The following SLC35F4 variants were observed in gnomAD, a reference collection of about 807,000 sequenced individuals.
SLC35F4 encodes the protein solute carrier family 35 member F4, also known as chromosome 14 open reading frame 36.
A neutral mutation model predicts 44.2 loss-of-function variants in SLC35F4; 24 were observed. That is an observed-to-expected ratio of 0.54 (90% CI 0.39 to 0.76). The LOEUF (loss-of-function observed/expected upper bound fraction) is 0.76. Among genes scored for constraint, SLC35F4 ranks in the 30% least tolerant of loss-of-function variants. The pLI, the probability that SLC35F4 is intolerant of heterozygous loss-of-function variation, is 0.00. For synonymous variants in SLC35F4, 238 were observed against 223.6 expected, an observed-to-expected ratio of 1.06 and a Z score of -0.57; for missense variants, 562 against 586.1, an observed-to-expected ratio of 0.96 and a Z score of 0.42.
intron 1 of SLC35F4, among the ~76,000 whole-genome samples, chr14:57,874,922 T>C (rs985557711): frequency 4.6e-5 from 7 of 152,152 alleles, no homozygotes; most frequent in Non-Finnish European, 1.0e-4. Flanking sequence ...AACTGACTAC[T>C]TATCCAATCT....
chr14:57,891,021 A>T (rs528510974), intron 1 of SLC35F4, among the ~76,000 whole-genome samples: 6 of 152,310 alleles, frequency 3.9e-5, no homozygotes, highest in African/African-American at 1.2e-4. Context: ...AAAATTGTTT[A>T]AGGTAAGGAA....
chr14:57,944,751 G>GAAAGA (rs869201293), intron 1 of SLC35F4, among the ~76,000 whole-genome samples: 2 of 125,864 alleles, frequency 1.6e-5, no homozygotes, highest in East Asian at 2.5e-4. Flanking sequence ...AAGAAAGAAA[G>GAAAGA]AAGAAAGGAA....
At chr14:57,828,668 C>CA (rs1884040140) in intron 1 of SLC35F4, among the ~76,000 whole-genome samples, 3 of 152,152 alleles carry the variant, frequency 2.0e-5, no homozygotes, top group African/African-American at 7.2e-5. Flanking sequence ...CAGAATGTCA[C>CA]CAACACCACT....
At chr14:57,571,498 G>A (rs1323064126) in intron 5 of SLC35F4, among the ~76,000 whole-genome samples, 3 of 152,216 alleles carry the variant, frequency 2.0e-5, no homozygotes, top group African/African-American at 7.2e-5. Context: ...AAAACACAGG[G>A]AGAGAAGATG....
At chr14:57,964,237 G>A (rs1890392375) in intron 1 of SLC35F4, among the ~76,000 whole-genome samples, 1 of 152,062 alleles carries the variant, frequency 6.6e-6, no homozygotes, top group African/African-American at 2.4e-5. Flanking sequence ...AAGGGGTCCT[G>A]GGGGAAGGAT....
intron 5 of SLC35F4, 31 bp downstream of exon 5, chr14:57,571,863 A>T (rs760764833): frequency 1.3e-6 from 2 of 1,597,206 alleles, no homozygotes; most frequent in Middle Eastern, 1.7e-4. Flanking sequence ...TATGAGTGAC[A>T]GTTGCTTACA....
chr14:57,982,719 T>A (rs1174334111), upstream of SLC35F4, among the ~76,000 whole-genome samples: 1 of 152,102 alleles, frequency 6.6e-6, no homozygotes, highest in African/African-American at 2.4e-5. Context: ...TTTTCTTTTT[T>A]TTATTATTAT....
At chr14:57,596,848 T>G (rs1261889185) in intron 1 of SLC35F4, 1 of 1,367,578 alleles carries the variant, frequency 7.3e-7, no homozygotes, top group Non-Finnish European at 9.8e-7. Context: ...TGCTGCCAGC[T>G]GCCTCCCACT....
chr14:57,789,049 T>A (rs745920798), intron 1 of SLC35F4, among the ~76,000 whole-genome samples: 1 of 152,074 alleles, frequency 6.6e-6, no homozygotes, highest in African/African-American at 2.4e-5. Flanking sequence ...AATGCCTACA[T>A]GAGAAAGTGG....
intron 5 of SLC35F4, 116 bp downstream of exon 5, chr14:57,571,778 T>C: frequency 1.5e-6 from 2 of 1,376,146 alleles, no homozygotes; most frequent in Non-Finnish European, 1.9e-6. Flanking sequence ...TTACTTACTA[T>C]TATTTCAACA....
At chr14:57,767,832 A>C (rs948601401) in intron 1 of SLC35F4, among the ~76,000 whole-genome samples, 3 of 152,198 alleles carry the variant, frequency 2.0e-5, no homozygotes, top group Admixed American at 6.5e-5. Flanking sequence ...CAAAGGATAT[A>C]CTAAAAATCC....
At chr14:57,801,893 T>C (rs1373563613) in intron 1 of SLC35F4, among the ~76,000 whole-genome samples, 1 of 152,176 alleles carries the variant, frequency 6.6e-6, no homozygotes, top group Non-Finnish European at 1.5e-5. Context: ...TGGGAGGCTT[T>C]AACATCCCAC....
chr14:57,803,810 G>A (rs898872560), intron 1 of SLC35F4, among the ~76,000 whole-genome samples: 10 of 151,752 alleles, frequency 6.6e-5, no homozygotes, highest in African/African-American at 1.5e-4. Context: ...GGCTGGTTTC[G>A]AACTCCTGAC....
chr14:57,960,465 C>T (rs1304859547), intron 1 of SLC35F4, among the ~76,000 whole-genome samples: 1 of 152,220 alleles, frequency 6.6e-6, no homozygotes, highest in Non-Finnish European at 1.5e-5. Flanking sequence ...AAGTGTCTTT[C>T]TTTTCCTATT....
intron 1 of SLC35F4, among the ~76,000 whole-genome samples, chr14:57,732,590 G>A (rs1775537847): frequency 6.6e-6 from 1 of 152,256 alleles, no homozygotes; most frequent in East Asian, 1.9e-4. Flanking sequence ...CCCTTCAATT[G>A]TAGTAACTGG....
chr14:57,914,957 C>T (rs1223513781), intron 1 of SLC35F4, among the ~76,000 whole-genome samples: 1 of 152,186 alleles, frequency 6.6e-6, no homozygotes, highest in Non-Finnish European at 1.5e-5. Context: ...TGCAACAAGT[C>T]TCTGTCTGGG....
At chr14:57,749,266 G>A (rs1188816876) in intron 1 of SLC35F4, among the ~76,000 whole-genome samples, 1 of 152,064 alleles carries the variant, frequency 6.6e-6, no homozygotes, top group African/African-American at 2.4e-5. Flanking sequence ...ATAGGATCAC[G>A]ATAGGACAGG....
chr14:57,772,825 C>T (rs771446619), intron 1 of SLC35F4, among the ~76,000 whole-genome samples: 22 of 152,056 alleles, frequency 1.4e-4, no homozygotes, highest in African/African-American at 2.7e-4. Context: ...GTATGAGTAC[C>T]GGTGTCTTTT....
chr14:57,800,274 T>C (rs563697499), intron 1 of SLC35F4, among the ~76,000 whole-genome samples: 1 of 152,122 alleles, frequency 6.6e-6, no homozygotes, highest in Non-Finnish European at 1.5e-5. Context: ...GTCCCTGCAG[T>C]AGAGTGGCCT....
Sources: gnomAD v4.1 joint callset for allele counts (sites outside exome capture counted in the v4.1 genomes callset) on GRCh38, gnomAD v4.1.1 for gene constraint, MANE v1.5 for transcripts, NCBI Gene and HGNC (gene_info 2026-07-23, HGNC 2026-07-21) for gene names.